RORA: variants seen among roughly 807,000 people sequenced by gnomAD.
The protein encoded by RORA is RAR related orphan receptor A, also known as nuclear receptor ROR-alpha.
A neutral mutation model predicts 69.5 loss-of-function variants in RORA; 7 were observed. That is an observed-to-expected ratio of 0.10 (90% CI 0.06 to 0.19). The LOEUF (loss-of-function observed/expected upper bound fraction) is 0.19, where lower values mean the gene tolerates loss of function less well. Ranked by LOEUF, RORA falls within the 10% of genes least tolerant of loss-of-function variation. RORA has a pLI of 1.00. For missense variants in RORA, 457 were observed against 663.0 expected, an observed-to-expected ratio of 0.69 and a Z score of 3.41; for synonymous variants, 261 against 240.8, an observed-to-expected ratio of 1.08 and a Z score of -0.78.
intron 1 of RORA, among the ~76,000 whole-genome samples, chr15:61,008,124 C>T (rs1372324160): frequency 1.3e-5 from 2 of 150,918 alleles, no homozygotes; most frequent in Admixed American, 6.6e-5. Context: ...ACTATTTAAA[C>T]TTATGATAAA....
intron 1 of RORA, among the ~76,000 whole-genome samples, chr15:60,907,889 G>A (rs1247888752): frequency 6.6e-6 from 1 of 152,216 alleles, no homozygotes; most frequent in Non-Finnish European, 1.5e-5. Context: ...TTCAGCAGCA[G>A]AGTCTGTTGT....
intron 1 of RORA, among the ~76,000 whole-genome samples, chr15:60,724,385 A>C (rs2071331292): frequency 6.6e-6 from 1 of 152,200 alleles, no homozygotes; most frequent in South Asian, 2.1e-4. Context: ...ATAGTAAAGG[A>C]AAACGAAGCA....
At chr15:61,127,176 GC>G (rs1435142909) in intron 1 of RORA, among the ~76,000 whole-genome samples, 1 of 152,174 alleles carries the variant, frequency 6.6e-6, no homozygotes, top group East Asian at 1.9e-4. Context: ...TTCTGACTGT[GC>G]CCCCTGACCT....
intron 2 of RORA, among the ~76,000 whole-genome samples, chr15:60,596,574 G>C (rs990492270): frequency 6.6e-6 from 1 of 152,016 alleles, no homozygotes; most frequent in Non-Finnish European, 1.5e-5. Context: ...AACTAACCTA[G>C]AAGAGATCAC....
At chr15:60,550,148 A>T (rs2067190824) in intron 2 of RORA, among the ~76,000 whole-genome samples, 1 of 152,170 alleles carries the variant, frequency 6.6e-6, no homozygotes, top group Non-Finnish European at 1.5e-5. Flanking sequence ...AAAATTAGCC[A>T]GGTGTGATGG....
At chr15:60,841,645 T>C (rs1595759280) in intron 1 of RORA, among the ~76,000 whole-genome samples, 1 of 152,282 alleles carries the variant, frequency 6.6e-6, no homozygotes, top group African/African-American at 2.4e-5. Context: ...GGATTAGAAA[T>C]GATGGAATAA....
chr15:60,923,640 C>G (rs1172886922), intron 1 of RORA, among the ~76,000 whole-genome samples: 2 of 152,206 alleles, frequency 1.3e-5, no homozygotes, highest in Non-Finnish European at 2.9e-5. Flanking sequence ...CTGTGTTGAT[C>G]CACCTAGTGA....
intron 1 of RORA, among the ~76,000 whole-genome samples, chr15:61,129,240 A>G (rs979065384): frequency 6.6e-6 from 1 of 152,184 alleles, no homozygotes; most frequent in Non-Finnish European, 1.5e-5. Flanking sequence ...ATTGGGTGCC[A>G]TTTGTGATTC....
chr15:61,174,789 A>G (rs2079613615), intron 1 of RORA, among the ~76,000 whole-genome samples: 1 of 151,726 alleles, frequency 6.6e-6, no homozygotes, highest in Non-Finnish European at 1.5e-5. Context: ...GCTAATGTTT[A>G]TTGCATACTC....
At chr15:60,710,232 T>G (rs951694651) in intron 1 of RORA, among the ~76,000 whole-genome samples, 4 of 152,194 alleles carry the variant, frequency 2.6e-5, no homozygotes, top group Admixed American at 6.5e-5. Context: ...CTCACGCTTG[T>G]AATTCCAGCA....
At chr15:60,796,165 C>G (rs537398290) in intron 1 of RORA, among the ~76,000 whole-genome samples, 1 of 152,328 alleles carries the variant, frequency 6.6e-6, no homozygotes, top group East Asian at 1.9e-4. Context: ...GGGAACCAGG[C>G]TCTCTGCTCT....
chr15:60,874,950 T>C (rs1405392271), intron 1 of RORA, among the ~76,000 whole-genome samples: 2 of 152,188 alleles, frequency 1.3e-5, no homozygotes, highest in African/African-American at 2.4e-5. Flanking sequence ...GGTAAACATT[T>C]ATCAGGGCAT....
chr15:60,822,917 G>A (rs905808039), intron 1 of RORA, among the ~76,000 whole-genome samples: 2 of 152,104 alleles, frequency 1.3e-5, no homozygotes, highest in Non-Finnish European at 2.9e-5. Flanking sequence ...ACCTGGAAAC[G>A]TGTTAGAATC....
At chr15:61,006,051 C>T (rs1475452500) in intron 1 of RORA, among the ~76,000 whole-genome samples, 3 of 152,176 alleles carry the variant, frequency 2.0e-5, no homozygotes, top group Non-Finnish European at 4.4e-5. Flanking sequence ...TCACTGCAAC[C>T]TCCACCTCCT....
Position 61,018,399 on chromosome 15 carries a change from G to C in RORA, c.166+210654C>G, listed in dbSNP as rs566508496. Among the ~76,000 whole-genome samples, 7 of 151,574 alleles carry C rather than the reference G, an allele frequency of 4.6e-5. No homozygotes were observed. In the East Asian group the frequency reaches 9.7e-4, roughly 21 times the overall value. On this transcript the variant is annotated intron_variant, in intron 1 of 10. Coordinates refer to ENST00000335670, the MANE Select transcript of RORA (RefSeq NM_134261.3). ...TAAAATTGCTTTGGGAATCAAAATAGAAAAAAAAGGATGCAGAAACAATCA... is the reference window on the plus strand; with the variant it reads ...TAAAATTGCTTTGGGAATCAAAATACAAAAAAAAGGATGCAGAAACAATCA...
At chr15:61,172,274 C>A (rs1236937789) in intron 1 of RORA, among the ~76,000 whole-genome samples, 1 of 152,146 alleles carries the variant, frequency 6.6e-6, no homozygotes, top group Non-Finnish European at 1.5e-5. Context: ...AAATGACAAA[C>A]ACTATAGCCA....
chr15:60,536,005 T>A (rs76728737), intron 2 of RORA, among the ~76,000 whole-genome samples: 60 of 152,298 alleles, frequency 3.9e-4, no homozygotes, highest in African/African-American at 1.3e-3. Context: ...TGTCAACATC[T>A]CTTGCTGGGA....
At chr15:60,538,054 G>A (rs1419123190) in intron 2 of RORA, among the ~76,000 whole-genome samples, 1 of 152,182 alleles carries the variant, frequency 6.6e-6, no homozygotes, top group Non-Finnish European at 1.5e-5. Context: ...TGAGCCTCAG[G>A]AGGGTTAAAT....
intron 2 of RORA, among the ~76,000 whole-genome samples, chr15:60,595,084 C>A (rs1162631016): frequency 2.0e-5 from 3 of 150,760 alleles, no homozygotes; most frequent in Non-Finnish European, 3.0e-5. Context: ...ATTATAAGGC[C>A]CCAACCAAAC....
Sources: allele counts gnomAD v4.1 joint callset (sites outside exome capture counted in the v4.1 genomes callset), GRCh38; gene constraint gnomAD v4.1.1; transcripts MANE v1.5; gene names NCBI Gene and HGNC (gene_info 2026-07-23, HGNC 2026-07-21).